MDM4: variants seen among roughly 807,000 people sequenced by gnomAD.
MDM4 encodes MDM4 regulator of p53, also known as protein Mdm4.
Under a neutral mutation model 60.2 loss-of-function variants are expected in MDM4, and 2 were observed. The observed-to-expected ratio is 0.03, with a 90% CI of 0.01 to 0.10. The LOEUF is 0.10. MDM4 is among the 10% of genes least tolerant of loss of function. The pLI, the probability that MDM4 is intolerant of heterozygous loss-of-function variation, is 1.00. For missense variants in MDM4, 447 were observed against 577.5 expected, an observed-to-expected ratio of 0.77 and a Z score of 2.32; for synonymous variants, 202 against 198.1, an observed-to-expected ratio of 1.02 and a Z score of -0.17.
At position 204,526,362 on chromosome 1, in the gene MDM4, A is replaced by G. The variant is rs776948959; in HGVS notation, c.81A>G (p.Val27=). Reference sequence around the variant, plus strand: ...CATTTATTTTATGTTTATATCAGGTACGACCAAAACTGCCGCTTTTGAAGA... The same window carrying G: ...CATTTATTTTATGTTTATATCAGGTGCGACCAAAACTGCCGCTTTTGAAGA... ...CRISPGQINQ[V]RPKLPLLKIL... is the part of the protein sequence containing the mutation. The change falls in exon 3 of 11, where the codon GTA becomes GTG. Residue 27 remains valine (V), a splice_region_variant and synonymous_variant. Coordinates refer to ENST00000367182, the MANE Select transcript of MDM4 (RefSeq NM_002393.5). The G allele has an allele frequency of 1.2e-6, 2 of 1,613,348 alleles. No individual in the cohort carries two copies. The highest frequency in any genetic ancestry group is 1.7e-6 in the Non-Finnish European group (2 of 1,179,284).
chr1:204,523,945 T>TA (rs1659845333), intron 1 of MDM4, among the ~76,000 whole-genome samples: 1 of 151,956 alleles, frequency 6.6e-6, no homozygotes, highest in African/African-American at 2.4e-5. Flanking sequence ...TGGGCTATTT[T>TA]AAAGAGAGCA....
chr1:204,545,026 C>G (rs769568897), intron 9 of MDM4, among the ~76,000 whole-genome samples: 27 of 152,210 alleles, frequency 1.8e-4, no homozygotes, highest in Non-Finnish European at 3.4e-4. Context: ...TGAATCAACA[C>G]AAATTCATAA....
At chr1:204,539,954 C>A (rs1405646361) in intron 7 of MDM4, among the ~76,000 whole-genome samples, 1 of 152,140 alleles carries the variant, frequency 6.6e-6, no homozygotes, top group Admixed American at 6.6e-5. Context: ...AAAAAACTGT[C>A]TTCAGGCTAT....
At chr1:204,541,337 C>T (rs1396440347) in intron 7 of MDM4, among the ~76,000 whole-genome samples, 2 of 152,116 alleles carry the variant, frequency 1.3e-5, no homozygotes, top group African/African-American at 2.4e-5. Context: ...CATGATGGTG[C>T]GCACCAGTCG....
intron 5 of MDM4, among the ~76,000 whole-genome samples, chr1:204,536,489 A>G (rs914075037): frequency 6.6e-6 from 1 of 152,238 alleles, no homozygotes; most frequent in Non-Finnish European, 1.5e-5. Context: ...AGCCTTTATC[A>G]GATGGTGATG....
chr1:204,517,910 C>A (rs1408044338), intron 1 of MDM4, among the ~76,000 whole-genome samples: 1 of 151,616 alleles, frequency 6.6e-6, no homozygotes, highest in African/African-American at 2.4e-5. Flanking sequence ...ACCTTTAATC[C>A]CAGCACTTTG....
At position 204,538,277 on chromosome 1, in the gene MDM4, C is replaced by A; in HGVS notation, c.480C>A (p.Thr160=). 1 of 1,606,016 alleles carries A rather than the reference C, an allele frequency of 6.2e-7. No individual in the cohort carries two copies. The highest frequency in any genetic ancestry group is 8.5e-7 in the Non-Finnish European group (1 of 1,172,610). ...TTEDDIPTLP[T]SEHKCIHSRE... ...AAGACGATATCCCCACACTGCCTAC[C>A]TCAGAGCATAAATGCATACATTCTA... Residue 160 remains threonine (T), a synonymous_variant, in exon 7 of 11, where the codon ACC becomes ACA. Transcript: ENST00000367182.
At chr1:204,543,553 C>T (rs1193720437) in intron 8 of MDM4, among the ~76,000 whole-genome samples, 3 of 152,168 alleles carry the variant, frequency 2.0e-5, no homozygotes, top group Non-Finnish European at 4.4e-5. Flanking sequence ...ACACTGTTCC[C>T]CCACATTCTT....
rs200960621 is a variant in MDM4 at position 204,556,098 on chromosome 1, G to GAA, written c.*6424_*6425dup. 1.4e-5 allele frequency: 3 copies of GAA among 218,090 alleles called. No homozygotes were observed. Among genetic ancestry groups the GAA allele is most frequent in the Admixed American group, 5.8e-5 (1 of 17,166 alleles). 13.5% of individuals were successfully genotyped at this position (218,090 alleles called of 1,614,324 possible). On this transcript the variant is annotated 3_prime_UTR_variant, in exon 11 of 11. Transcript: ENST00000367182. ...ATAATAAAACTCTGGTCTCCCTTAA[G>GAA]AAAAAAAAACCCTTCCACCTTTACT...
In MDM4 at chr1:204,549,461, T is replaced by C. The variant is rs1400001545; in HGVS notation, c.1252T>C (p.Ser418Pro). The change falls in exon 11 of 11, where the codon TCT becomes CCT. Residue 418 changes from serine to proline, a missense_variant. Around this residue, in one of 8 missense-constraint regions of MDM4, gnomAD observed 117 missense variants for 114.5 expected, o/e 1.02. Coordinates refer to ENST00000367182, the MANE Select transcript of MDM4 (RefSeq NM_002393.5). ...SSMGEQLDNL[S>P]EQRTDTENME... ...CATGGGAGAACAGTTAGATAACCTT[T>C]CTGAACAGAGAACAGATACAGAAAA... 6 of 1,611,468 alleles carry C rather than the reference T, an allele frequency of 3.7e-6. No homozygotes were observed. The African/African-American group carries it at 6.7e-5, about 18-fold the overall frequency.
chr1:204,543,612 A>G (rs976900364), intron 8 of MDM4, among the ~76,000 whole-genome samples: 4 of 152,188 alleles, frequency 2.6e-5, no homozygotes, highest in African/African-American at 4.8e-5. Flanking sequence ...AATTTCTTCA[A>G]AGAGGTCATC....
chr1:204,520,234 C>T (rs924812788), intron 1 of MDM4, among the ~76,000 whole-genome samples: 14 of 148,756 alleles, frequency 9.4e-5, no homozygotes, highest in South Asian at 2.1e-4. Flanking sequence ...GGGGAGATCT[C>T]GCCACTGCAC....
intron 3 of MDM4, chr1:204,529,376 A>T: frequency 1.0e-6 from 1 of 979,662 alleles, no homozygotes; most frequent in East Asian, 2.4e-5. Context: ...CACCCTGTCC[A>T]TGAGGCCTGG....
Position 204,549,172 on chromosome 1 carries a change from T to C in MDM4, c.963T>C (p.Phe321=), listed in dbSNP as rs1185572494. 2 of 1,614,006 alleles carry C rather than the reference T, an allele frequency of 1.2e-6. No homozygotes were observed. Among genetic ancestry groups the C allele is most frequent in the Non-Finnish European group, 1.7e-6 (2 of 1,179,872 alleles). The change falls in exon 11 of 11, where the codon TTT becomes TTC. Residue 321 remains phenylalanine (F), a synonymous_variant. Transcript: ENST00000367182. The part of the protein sequence containing the change: ...KFNSPSKRYC[F]RCWALRKDWY... ...ACTCTCCAAGCAAGAGGTACTGTTT[T>C]CGTTGTTGGGCCTTGAGGAAGGATT...
At position 204,553,282 on chromosome 1, in the gene MDM4, A is replaced by C. The variant is rs867696554; in HGVS notation, c.*3600A>C. 4.8e-6 allele frequency: 1 copy of C among 207,644 alleles called. No individual in the cohort carries two copies. The highest frequency in any genetic ancestry group is 2.3e-5 in the African/African-American group (1 of 44,220). The allele number at this position is 207,644 out of a possible 1,614,324, so 12.9% of individuals were successfully genotyped here. A position where few individuals can be genotyped will look rare whatever the true frequency, so the allele number is the denominator to read the frequency against. The stretch of plus-strand genomic sequence containing the variant: ...AAAGCAAGGCATAGTTTATATGTGA[A>C]GTGTTCAGAGTTTACTGCTATAAGG... On this transcript the variant is annotated 3_prime_UTR_variant, in exon 11 of 11. Transcript: ENST00000367182.
In MDM4 at chr1:204,547,281, T is replaced by C. The variant is rs1662761738; in HGVS notation, c.903+404T>C. 1.3e-5 allele frequency among the ~76,000 whole-genome samples: 2 copies of C among 152,254 alleles called. 1 individual carries two copies. The highest frequency in any genetic ancestry group is 4.1e-4 in the South Asian group (2 of 4,836). On this transcript the variant is annotated intron_variant, in intron 10 of 10. Coordinates refer to ENST00000367182, the MANE Select transcript of MDM4 (RefSeq NM_002393.5). The stretch of plus-strand genomic sequence containing the variant: ...TATAAAAATAATATTGTCATTGTTT[T>C]CTTAAAAAGAAGCAAATGGAAAACA...
At position 204,554,970 on chromosome 1, in the gene MDM4, C is replaced by CAATA. The variant is rs1345779177; in HGVS notation, c.*5289_*5292dup. ...ACACTTGGATTTGCTGCACCTCTAC[C>CAATA]AATAGCCTTTTGAATGACTGAAAGT... On this transcript the variant is annotated 3_prime_UTR_variant, in exon 11 of 11. Coordinates refer to ENST00000367182, the MANE Select transcript of MDM4 (RefSeq NM_002393.5). 2.3e-5 allele frequency: 5 copies of CAATA among 220,362 alleles called. No individual in the cohort carries two copies. Among genetic ancestry groups the CAATA allele is most frequent in the Non-Finnish European group, 4.5e-5 (5 of 110,146 alleles). 13.7% of individuals were successfully genotyped at this position (220,362 alleles called of 1,614,324 possible). A position where few individuals can be genotyped will look rare whatever the true frequency, so the allele number is the denominator to read the frequency against.
intron 3 of MDM4, chr1:204,529,105 A>G: frequency 7.7e-7 from 1 of 1,304,128 alleles, no homozygotes; most frequent in South Asian, 1.2e-5. Context: ...ATGGAGCCTG[A>G]GTTGTCCCAG....
At chr1:204,521,141 G>T (rs1659531167) in intron 1 of MDM4, among the ~76,000 whole-genome samples, 1 of 152,092 alleles carries the variant, frequency 6.6e-6, no homozygotes, top group African/African-American at 2.4e-5. Context: ...TACATAATAG[G>T]GCTGTTTTGG....
Sources: allele counts gnomAD v4.1 joint callset (sites outside exome capture counted in the v4.1 genomes callset), GRCh38; gene constraint gnomAD v4.1.1; regional missense constraint gnomAD v4.1.1; transcripts MANE v1.5; gene names NCBI Gene and HGNC (gene_info 2026-07-23, HGNC 2026-07-21).